MTUS1: variants seen among roughly 807,000 people sequenced by gnomAD.
MTUS1 encodes microtubule associated scaffold protein 1.
In MTUS1, 109 loss-of-function variants were observed where a neutral mutation model predicts 120.8. That is an observed-to-expected ratio of 0.90 (90% CI 0.77 to 1.06). MTUS1 has a LOEUF of 1.06. MTUS1 is among the 50% of genes least tolerant of loss of function. The pLI is 0.00. For synonymous variants in MTUS1, 737 were observed against 550.5 expected (o/e 1.34, Z -4.74); for missense variants, 2,210 against 1,486.3 (o/e 1.49, Z -8.01).
chr8:17,798,452 C>T (rs963114124), intron 1 of MTUS1, among the ~76,000 whole-genome samples: 4 of 151,964 alleles, frequency 2.6e-5, no homozygotes, highest in Non-Finnish European at 5.9e-5. Context: ...CCTGCCTCAG[C>T]GTCCCAAGTA....
intron 14 of MTUS1, 122 bp from the exon 15 acceptor site, chr8:17,646,261 G>T: frequency 9.2e-7 from 1 of 1,089,744 alleles, no homozygotes; most frequent in Non-Finnish European, 1.3e-6. Flanking sequence ...ACAGAATCCT[G>T]CACAAGGTCA....
intron 3 of MTUS1, among the ~76,000 whole-genome samples, chr8:17,733,953 T>G (rs1329078451): frequency 6.6e-6 from 1 of 152,206 alleles, no homozygotes; most frequent in African/African-American, 2.4e-5. Context: ...CCTACCTATT[T>G]AAGAGTGTAA....
chr8:17,776,200 A>G (rs1055506965), intron 1 of MTUS1, among the ~76,000 whole-genome samples: 1 of 152,224 alleles, frequency 6.6e-6, no homozygotes, highest in Non-Finnish European at 1.5e-5. Context: ...ATGTATTTAC[A>G]TAGCACTTAC....
chr8:17,668,940 A>T (rs180941364), intron 8 of MTUS1, among the ~76,000 whole-genome samples: 4 of 152,344 alleles, frequency 2.6e-5, no homozygotes, highest in African/African-American at 7.2e-5. Flanking sequence ...CATAAAAAAC[A>T]CTGAGTATTA....
At chr8:17,734,625 A>G (rs1342837008) in intron 3 of MTUS1, among the ~76,000 whole-genome samples, 1 of 152,232 alleles carries the variant, frequency 6.6e-6, no homozygotes. Context: ...GGCCTGGAAC[A>G]TGTGTCCCAC....
chr8:17,744,711 A>AT (rs1386869477), intron 2 of MTUS1, among the ~76,000 whole-genome samples: 97 of 56,436 alleles, frequency 1.7e-3, no homozygotes, highest in Admixed American at 5.4e-3. Flanking sequence ...TTTTTTTTTG[A>AT]TTTTTTGTAT....
chr8:17,761,131 A>G (rs1255898703), intron 1 of MTUS1, among the ~76,000 whole-genome samples: 1 of 152,166 alleles, frequency 6.6e-6, no homozygotes, highest in Non-Finnish European at 1.5e-5. Context: ...ATATTTCCCT[A>G]AGGATTTATA....
intron 1 of MTUS1, among the ~76,000 whole-genome samples, chr8:17,776,490 C>A (rs1460284978): frequency 6.6e-6 from 1 of 151,822 alleles, no homozygotes; most frequent in African/African-American, 2.4e-5. Flanking sequence ...ACCAGCCTGG[C>A]CAACGTGGTG....
At chr8:17,765,996 A>T (rs1184685468) in intron 1 of MTUS1, among the ~76,000 whole-genome samples, 1 of 152,182 alleles carries the variant, frequency 6.6e-6, no homozygotes, top group Non-Finnish European at 1.5e-5. Flanking sequence ...TATACTTTAC[A>T]TACTATAAAT....
At chr8:17,756,777 T>A (rs1770023255) in intron 1 of MTUS1, among the ~76,000 whole-genome samples, 1 of 149,740 alleles carries the variant, frequency 6.7e-6, no homozygotes, top group Non-Finnish European at 1.5e-5. Flanking sequence ...GCTGGTGCCC[T>A]TAGAAGAAGG....
intron 2 of MTUS1, among the ~76,000 whole-genome samples, chr8:17,750,690 C>T (rs752706837): frequency 1.8e-4 from 27 of 152,104 alleles, no homozygotes; most frequent in Non-Finnish European, 7.4e-5. Context: ...AGCACCTGAG[C>T]GTTACAGGGC....
At chr8:17,721,057 CT>C (rs2045800354) in intron 4 of MTUS1, among the ~76,000 whole-genome samples, 1 of 152,132 alleles carries the variant, frequency 6.6e-6, no homozygotes. Context: ...TACAACAGCA[CT>C]GTGTTATATC....
intron 1 of MTUS1, among the ~76,000 whole-genome samples, chr8:17,785,578 A>C (rs965763210): frequency 1.3e-5 from 2 of 152,356 alleles, no homozygotes; most frequent in African/African-American, 4.8e-5. Flanking sequence ...AAGGGGTACA[A>C]AACTGCAGCA....
In MTUS1 at chr8:17,654,669, G is replaced by A; in HGVS notation, c.3109-3C>T. 6.2e-7 allele frequency: 1 copy of A among 1,608,840 alleles called. No individual in the cohort carries two copies. The highest frequency in any genetic ancestry group is 8.5e-7 in the Non-Finnish European group (1 of 1,175,226). ...TGCGCAGCATTTAAGTTGTCAAACTGTAAGCAACAAACAAAACCGTGGTTT... is the reference window on the plus strand; with the variant it reads ...TGCGCAGCATTTAAGTTGTCAAACTATAAGCAACAAACAAAACCGTGGTTT... On this transcript the variant is annotated splice_polypyrimidine_tract_variant and splice_region_variant and intron_variant, in intron 9 of 14. Transcript: ENST00000693296.
At chr8:17,769,056 G>A (rs947739800) in intron 1 of MTUS1, among the ~76,000 whole-genome samples, 10 of 152,134 alleles carry the variant, frequency 6.6e-5, no homozygotes, top group Non-Finnish European at 1.5e-4. Context: ...AAAAGCCTCT[G>A]CTTGGGGGTG....
chr8:17,678,367 A>C (rs1813541882), intron 7 of MTUS1, among the ~76,000 whole-genome samples: 1 of 101,452 alleles, frequency 9.9e-6, no homozygotes, highest in Non-Finnish European at 2.5e-5. Context: ...CAATGTGAAA[A>C]AAGAGAAAGG....
chr8:17,648,777 A>G (rs1272744160), intron 13 of MTUS1, among the ~76,000 whole-genome samples: 1 of 152,206 alleles, frequency 6.6e-6, no homozygotes, highest in Non-Finnish European at 1.5e-5. Flanking sequence ...TTTGGGTTTG[A>G]ATGAGGCACT....
At chr8:17,732,109 T>G (rs1329946416) in intron 3 of MTUS1, among the ~76,000 whole-genome samples, 1 of 152,106 alleles carries the variant, frequency 6.6e-6, no homozygotes, top group Non-Finnish European at 1.5e-5. Context: ...TCACAGGAAG[T>G]GGTGGGATGC....
At chr8:17,751,842 G>C (rs1412885069) in intron 2 of MTUS1, among the ~76,000 whole-genome samples, 2 of 110,334 alleles carry the variant, frequency 1.8e-5, no homozygotes, top group African/African-American at 7.2e-5. Context: ...TGGCGAAAGA[G>C]CAAGAACAAG....
Sources: gnomAD v4.1 joint callset for allele counts (sites outside exome capture counted in the v4.1 genomes callset) on GRCh38, gnomAD v4.1.1 for gene constraint, MANE v1.5 for transcripts, NCBI Gene and HGNC (gene_info 2026-07-23, HGNC 2026-07-21) for gene names.